Variants in SORL1 observed in about 807,000 individuals in gnomAD.
SORL1 encodes sortilin-related receptor.
SORL1 carries 127 observed loss-of-function variants against 273.7 expected under a neutral mutation model. The observed-to-expected ratio is 0.46, with a 90% CI of 0.40 to 0.54. SORL1 has a LOEUF of 0.54. SORL1 is among the 20% of genes least tolerant of loss of function. SORL1 has a pLI of 0.00. For missense variants in SORL1, 2,494 were observed against 2,846.1 expected (o/e 0.88, Z 2.81); for synonymous variants, 1,031 against 1,067.4 (o/e 0.97, Z 0.66).
At chr11:121,601,701 C>T (rs1433390009) in intron 32 of SORL1, among the ~76,000 whole-genome samples, 2 of 151,830 alleles carry the variant, frequency 1.3e-5, no homozygotes, top group South Asian at 2.1e-4. Flanking sequence ...CAGGTGCACA[C>T]TACCGCACCC....
intron 33 of SORL1, 129 bp from the exon 34 acceptor site, chr11:121,604,984 C>A: frequency 1.6e-6 from 1 of 632,556 alleles, no homozygotes; most frequent in Admixed American, 2.8e-5. Context: ...TTGCCCAGGC[C>A]AGTCTCGAAC....
intron 21 of SORL1, among the ~76,000 whole-genome samples, chr11:121,564,747 T>TG (rs1429992071): frequency 3.9e-5 from 6 of 151,980 alleles, no homozygotes. Flanking sequence ...TTTGCTTATT[T>TG]TTTTTTTGTG....
Position 121,550,547 on chromosome 11 carries a change from C to CA in SORL1, c.2181-37dup. On this transcript the variant is annotated intron_variant, in intron 15 of 47. Transcript: ENST00000260197. The surrounding 1 kb of genome is among the most constrained non-coding windows in gnomAD (Gnocchi z 5.3). Reference sequence around the variant, plus strand: ...TGGGATGCCTTTGTGGCTATTCTTCCATGTTTCTGACCTCTTGCTCTTGGG... The same window carrying CA: ...TGGGATGCCTTTGTGGCTATTCTTCCAATGTTTCTGACCTCTTGCTCTTGGG... 6.3e-7 allele frequency: 1 copy of CA among 1,590,090 alleles called. No homozygotes were observed. Among genetic ancestry groups the CA allele is most frequent in the South Asian group, 1.1e-5 (1 of 90,532 alleles).
Position 121,575,780 on chromosome 11 carries a change from G to A in SORL1, c.3460+1417G>A, listed in dbSNP as rs79203407. Reference sequence around the variant, plus strand: ...CAGCACTCTTAGAAGGTTGAAATGTGTAGCTAGTTTTGCCCTAGTAAGAAG... The same window carrying A: ...CAGCACTCTTAGAAGGTTGAAATGTATAGCTAGTTTTGCCCTAGTAAGAAG... On this transcript the variant is annotated intron_variant, in intron 24 of 47. Coordinates refer to ENST00000260197, the MANE Select transcript of SORL1 (RefSeq NM_003105.6). Among the ~76,000 whole-genome samples the A allele has an allele frequency of 7.0e-3, 1,068 of 152,298 alleles. 7 individuals carry two copies. The highest frequency in any genetic ancestry group is 0.024 in the African/African-American group (1,005 of 41,566).
At position 121,490,054 on chromosome 11, in the gene SORL1, A is replaced by G. The variant is rs1336314241; in HGVS notation, c.702A>G (p.Ser234=). 2.5e-6 allele frequency: 4 copies of G among 1,613,730 alleles called. No individual in the cohort carries two copies. In the African/African-American group the frequency reaches 4.0e-5, roughly 16 times the overall value. Residue 234 remains serine (S), a synonymous_variant, in exon 5 of 48, where the codon TCA becomes TCG. Transcript: ENST00000260197. Reference sequence around the variant, plus strand: ...ACTTGTCTTTGCAGCTGTGGAAGTCAGATGACTTTGGCCAGACCTGGATCA... The same window carrying G: ...ACTTGTCTTTGCAGCTGTGGAAGTCGGATGACTTTGGCCAGACCTGGATCA... ...RSHPNKQLWK[S]DDFGQTWIMI...
chr11:121,526,864 CAA>C (rs1862131153), intron 11 of SORL1, among the ~76,000 whole-genome samples: 1 of 152,092 alleles, frequency 6.6e-6, no homozygotes, highest in African/African-American at 2.4e-5. Flanking sequence ...ATACCATTTG[CAA>C]AGAGTGACAG....
intron 11 of SORL1, among the ~76,000 whole-genome samples, chr11:121,524,807 A>T (rs892489806): frequency 6.6e-6 from 1 of 152,022 alleles, no homozygotes; most frequent in African/African-American, 2.4e-5. Context: ...TACACTGCAC[A>T]TATTTAAAGT....
Position 121,550,129 on chromosome 11 carries a change from C to A in SORL1, c.2180+41C>A. On this transcript the variant is annotated intron_variant, in intron 15 of 47. Coordinates refer to ENST00000260197, the MANE Select transcript of SORL1 (RefSeq NM_003105.6). The surrounding 1 kb of genome is among the most constrained non-coding windows in gnomAD (Gnocchi z 5.3). The stretch of plus-strand genomic sequence containing the variant: ...GTTGCCCTGTCAGGTTCTCAGCGGT[C>A]CGCACATGGAGCGAGAGAGCATAGA... The A allele has an allele frequency of 6.3e-7, 1 of 1,598,110 alleles. No individual in the cohort carries two copies. The highest frequency in any genetic ancestry group is 8.5e-7 in the Non-Finnish European group (1 of 1,171,432).
At chr11:121,549,127 C>T (rs925410855) in intron 14 of SORL1, among the ~76,000 whole-genome samples, 1 of 152,208 alleles carries the variant, frequency 6.6e-6, no homozygotes, top group Non-Finnish European at 1.5e-5. Context: ...CTCCAGATCA[C>T]AAGAGGTCTC....
In SORL1 at chr11:121,633,204, C is replaced by T. The variant is rs114418069; in HGVS notation, c.*3641C>T. ...GTGTTTTCAGATGGAGTACCAGCAC[C>T]GAAAATGGGTTGAGGGAGGATGGGT... On this transcript the variant is annotated 3_prime_UTR_variant, in exon 48 of 48. Transcript: ENST00000260197. 261 of 152,204 alleles carry T rather than the reference C, an allele frequency of 1.7e-3. 1 individual carries two copies. Among genetic ancestry groups the T allele is most frequent in the African/African-American group, 5.2e-3 (218 of 41,528 alleles). 9.4% of individuals were successfully genotyped at this position (152,204 alleles called of 1,614,324 possible).
chr11:121,491,606 C>T (rs929885253), intron 5 of SORL1, among the ~76,000 whole-genome samples: 2 of 152,178 alleles, frequency 1.3e-5, no homozygotes, highest in South Asian at 2.1e-4. Flanking sequence ...TTGGAGTCAT[C>T]GTTGATTTCA....
chr11:121,570,470 A>G (rs1862824205), intron 23 of SORL1, among the ~76,000 whole-genome samples, 200 bp downstream of exon 23: 1 of 152,196 alleles, frequency 6.6e-6, no homozygotes, highest in African/African-American at 2.4e-5. Context: ...AATATTATAT[A>G]CATAATATTT....
At chr11:121,491,864 G>A (rs1205761484) in intron 5 of SORL1, among the ~76,000 whole-genome samples, 1 of 152,112 alleles carries the variant, frequency 6.6e-6, no homozygotes, top group Admixed American at 6.6e-5. Context: ...ACCCTTTAAT[G>A]CTTCATCATT....
At position 121,631,268 on chromosome 11, in the gene SORL1, A is replaced by T. The variant is rs1307015884; in HGVS notation, c.*1705A>T. On this transcript the variant is annotated 3_prime_UTR_variant, in exon 48 of 48. Coordinates refer to ENST00000260197, the MANE Select transcript of SORL1 (RefSeq NM_003105.6). ...TGAGTATTTTAAGCTGTCGACCTTT[A>T]GTTTGCCATACGGGTAGGACTGTAT... The T allele has an allele frequency of 1.3e-5, 2 of 152,142 alleles. No individual in the cohort carries two copies. Among genetic ancestry groups the T allele is most frequent in the Non-Finnish European group, 2.9e-5 (2 of 68,032 alleles). 9.4% of individuals were successfully genotyped at this position (152,142 alleles called of 1,614,324 possible). A position where few individuals can be genotyped will look rare whatever the true frequency, so the allele number is the denominator to read the frequency against.
Position 121,545,377 on chromosome 11 carries a change from G to C in SORL1, c.1999G>C (p.Asp667His), listed in dbSNP as rs1862410335. 1.9e-6 allele frequency: 3 copies of C among 1,614,038 alleles called. No individual in the cohort carries two copies. The highest frequency in any genetic ancestry group is 1.7e-5 in the Admixed American group (1 of 60,008). The change falls in exon 14 of 48, where the codon GAC becomes CAC. Residue 667 changes from aspartate to histidine, a missense_variant. Physicochemically the swap from Asp to His is moderately conservative, Grantham distance 81. Transcript: ENST00000260197. ...CACATGCTTCAATGGAGAGGACTTTGACAGGCCGGTGGTCGTGTCCAACTG... is the reference window on the plus strand; with the variant it reads ...CACATGCTTCAATGGAGAGGACTTTCACAGGCCGGTGGTCGTGTCCAACTG... ...HATCFNGEDF[D>H]RPVVVSNCSC... is the part of the protein sequence containing the mutation.
chr11:121,504,237 C>A (rs1861755234), intron 6 of SORL1, among the ~76,000 whole-genome samples: 1 of 152,092 alleles, frequency 6.6e-6, no homozygotes, highest in Non-Finnish European at 1.5e-5. Flanking sequence ...TATGGCGAAA[C>A]CCCGTCTCTA....
chr11:121,592,993 C>G (rs986477945), intron 31 of SORL1, among the ~76,000 whole-genome samples: 2 of 152,194 alleles, frequency 1.3e-5, no homozygotes, highest in African/African-American at 4.8e-5. Flanking sequence ...TCATTGTTAT[C>G]TGTAGCTCGT....
Position 121,520,789 on chromosome 11 carries a change from A to G in SORL1, c.1344A>G (p.Gly448=), listed in dbSNP as rs645713. The part of the protein sequence containing the change: ...MRSVITFDKG[G]TWEFLQAPAF... ...CGGTCATCACCTTTGACAAAGGGGG[A>G]ACCTGGGAGTTTCTTCAGGCTCCAG... The change falls in exon 9 of 48, where the codon GGA becomes GGG. Residue 448 remains glycine (G), a synonymous_variant. Coordinates refer to ENST00000260197, the MANE Select transcript of SORL1 (RefSeq NM_003105.6). 1 of 1,612,456 alleles carries G rather than the reference A, an allele frequency of 6.2e-7. No homozygotes were observed. The highest frequency in any genetic ancestry group is 8.5e-7 in the Non-Finnish European group (1 of 1,179,316).
chr11:121,581,689 A>G (rs1369898612), intron 25 of SORL1, among the ~76,000 whole-genome samples: 1 of 152,260 alleles, frequency 6.6e-6, no homozygotes, highest in Non-Finnish European at 1.5e-5. Context: ...ATGCAAACTG[A>G]TTACTCTTTC....
Sources: allele counts gnomAD v4.1 joint callset (sites outside exome capture counted in the v4.1 genomes callset), GRCh38; gene constraint gnomAD v4.1.1; non-coding constraint Gnocchi (gnomAD v3.1); transcripts MANE v1.5; gene names NCBI Gene and HGNC (gene_info 2026-07-23, HGNC 2026-07-21).